NRG3: variants seen among roughly 807,000 people sequenced by gnomAD.
The protein encoded by NRG3 is neuregulin 3.
Under a neutral mutation model 66.9 loss-of-function variants are expected in NRG3, and 31 were observed. The observed-to-expected ratio is 0.46, with a 90% CI of 0.35 to 0.63. The LOEUF is 0.63. Ranked by LOEUF, NRG3 falls within the 20% of genes least tolerant of loss-of-function variation. The probability of loss-of-function intolerance (pLI) is 0.00; values close to 1 mark genes in which losing one functional copy is unlikely to be tolerated. For missense variants in NRG3, 910 were observed against 878.9 expected, an observed-to-expected ratio of 1.04 and a Z score of -0.45; for synonymous variants, 393 against 359.4, an observed-to-expected ratio of 1.09 and a Z score of -1.06.
At chr10:82,581,680 A>G (rs2046363599) in intron 2 of NRG3, among the ~76,000 whole-genome samples, 2 of 152,030 alleles carry the variant, frequency 1.3e-5, no homozygotes, top group South Asian at 2.1e-4. Context: ...TTATTATTGT[A>G]TTTAATGCAA....
At chr10:82,480,411 A>C (rs942702901) in intron 2 of NRG3, among the ~76,000 whole-genome samples, 1 of 152,228 alleles carries the variant, frequency 6.6e-6, no homozygotes, top group Non-Finnish European at 1.5e-5. Context: ...ATTTCTGTAT[A>C]CTAAGCTGAC....
chr10:82,291,082 T>C (rs1415623931), intron 1 of NRG3, among the ~76,000 whole-genome samples: 1 of 152,030 alleles, frequency 6.6e-6, no homozygotes, highest in East Asian at 1.9e-4. Context: ...TGAACCATAA[T>C]ATATATAAAG....
intron 2 of NRG3, among the ~76,000 whole-genome samples, chr10:82,469,162 G>T (rs550919932): frequency 1.3e-5 from 2 of 152,278 alleles, no homozygotes; most frequent in Non-Finnish European, 2.9e-5. Flanking sequence ...GTTCTTAAGT[G>T]AAAAGACACA....
intron 2 of NRG3, among the ~76,000 whole-genome samples, chr10:82,646,593 C>T (rs961133879): frequency 2.6e-5 from 4 of 152,152 alleles, no homozygotes; most frequent in South Asian, 2.1e-4. Context: ...TGGTTAAAGA[C>T]GTCCAGCAGT....
At chr10:82,164,741 C>T (rs929342556) in intron 1 of NRG3, among the ~76,000 whole-genome samples, 6 of 152,054 alleles carry the variant, frequency 3.9e-5, no homozygotes, top group Non-Finnish European at 8.8e-5. Context: ...TTTGCTTATT[C>T]ATATTAGGAA....
chr10:82,624,567 G>A (rs2049276566), intron 2 of NRG3, among the ~76,000 whole-genome samples: 1 of 151,796 alleles, frequency 6.6e-6, no homozygotes. Flanking sequence ...GTAAATTACA[G>A]CATAAAATAT....
intron 1 of NRG3, among the ~76,000 whole-genome samples, chr10:82,059,848 T>C (rs1161997145): frequency 6.6e-6 from 1 of 152,204 alleles, no homozygotes; most frequent in Admixed American, 6.5e-5. Flanking sequence ...ATGTCCTAGG[T>C]ACCACCAGTG....
chr10:82,915,987 T>A (rs1325892348), intron 4 of NRG3, among the ~76,000 whole-genome samples: 2 of 152,132 alleles, frequency 1.3e-5, no homozygotes, highest in Non-Finnish European at 2.9e-5. Flanking sequence ...TAGTGCTAGA[T>A]CTCAGTAGCC....
At chr10:82,985,019 A>G in intron 8 of NRG3, 79 bp from the exon 9 acceptor site, 1 of 1,532,480 alleles carries the variant, frequency 6.5e-7, no homozygotes, top group Non-Finnish European at 8.9e-7. Context: ...GTGCATGTGA[A>G]AAGTGCTTTG....
chr10:82,321,161 A>G (rs888062763), intron 1 of NRG3, among the ~76,000 whole-genome samples: 11 of 152,090 alleles, frequency 7.2e-5, no homozygotes, highest in African/African-American at 2.7e-4. Context: ...ACCCACCCCT[A>G]GATGCTACCT....
At chr10:82,263,123 G>T (rs958250602) in intron 1 of NRG3, among the ~76,000 whole-genome samples, 1 of 152,176 alleles carries the variant, frequency 6.6e-6, no homozygotes, top group African/African-American at 2.4e-5. Flanking sequence ...TTTCCAAAAC[G>T]ATGAGTCTGG....
intron 1 of NRG3, among the ~76,000 whole-genome samples, chr10:81,990,020 G>A (rs550690179): frequency 4.0e-4 from 61 of 152,270 alleles, no homozygotes; most frequent in Admixed American, 6.5e-4. Context: ...GAAACTTAAG[G>A]GACTGATGCT....
chr10:82,222,884 T>TTA (rs2076009395), intron 1 of NRG3, among the ~76,000 whole-genome samples: 1 of 152,216 alleles, frequency 6.6e-6, no homozygotes, highest in South Asian at 2.1e-4. Context: ...CATCCTAATA[T>TTA]GTGGCTTTAT....
intron 2 of NRG3, among the ~76,000 whole-genome samples, chr10:82,374,955 C>T (rs757697507): frequency 8.5e-5 from 13 of 152,152 alleles, no homozygotes; most frequent in Admixed American, 7.9e-4. Context: ...TGGGCACCTG[C>T]GACACAACTT....
chr10:82,145,287 A>T (rs534449083), intron 1 of NRG3, among the ~76,000 whole-genome samples: 6 of 152,196 alleles, frequency 3.9e-5, no homozygotes, highest in Non-Finnish European at 8.8e-5. Flanking sequence ...TCTTTCATAA[A>T]TGTGTGAAAA....
intron 2 of NRG3, among the ~76,000 whole-genome samples, chr10:82,367,335 G>A (rs966470227): frequency 9.9e-5 from 15 of 152,050 alleles, no homozygotes; most frequent in Non-Finnish European, 2.2e-4. Context: ...AATTGATTTT[G>A]GTCTGTCCCT....
At chr10:82,253,705 T>C (rs185833288) in intron 1 of NRG3, among the ~76,000 whole-genome samples, 1 of 152,350 alleles carries the variant, frequency 6.6e-6, no homozygotes, top group East Asian at 1.9e-4. Context: ...AGATCCTACA[T>C]TTTATCATTT....
chr10:82,379,851 G>C (rs1336343211), intron 2 of NRG3, among the ~76,000 whole-genome samples: 2 of 147,214 alleles, frequency 1.4e-5, no homozygotes, highest in African/African-American at 5.0e-5. Context: ...GATGTTTGTA[G>C]GGCATAAAAA....
At position 81,919,000 on chromosome 10, in the gene NRG3, T is replaced by C. The variant is rs866979933; in HGVS notation, c.823+42837T>C. On this transcript the variant is annotated intron_variant, in intron 1 of 8. Coordinates refer to ENST00000372141, the MANE Select transcript of NRG3 (RefSeq NM_001010848.4). The stretch of plus-strand genomic sequence containing the variant: ...ACACACACACACACACACACATACA[T>C]ACACACACACACACACACAGCTTTG... Among the ~76,000 whole-genome samples the C allele has an allele frequency of 3.6e-4, 47 of 129,586 alleles. 1 individual carries two copies. The highest frequency in any genetic ancestry group is 8.5e-4 in the East Asian group (3 of 3,538). 85.0% of individuals were successfully genotyped at this position (129,586 alleles called of 152,430 possible). A position where few individuals can be genotyped will look rare whatever the true frequency, so the allele number is the denominator to read the frequency against.
Sources: allele counts gnomAD v4.1 joint callset (sites outside exome capture counted in the v4.1 genomes callset), GRCh38; gene constraint gnomAD v4.1.1; transcripts MANE v1.5; gene names NCBI Gene and HGNC (gene_info 2026-07-23, HGNC 2026-07-21).